Variants in EXD2 observed in about 807,000 individuals in gnomAD.
The protein encoded by EXD2 is exonuclease 3'-5' domain containing 2.
A neutral mutation model predicts 62.5 loss-of-function variants in EXD2; 40 were observed. The observed-to-expected ratio is 0.64, with a 90% CI of 0.50 to 0.83. EXD2 has a LOEUF of 0.83. Among genes scored for constraint, EXD2 ranks in the 40% least tolerant of loss-of-function variants. EXD2 has a pLI of 0.00. For missense variants in EXD2, 671 were observed against 761.8 expected, an observed-to-expected ratio of 0.88 and a Z score of 1.40; for synonymous variants, 239 against 291.9, an observed-to-expected ratio of 0.82 and a Z score of 1.85.
rs533987631 is a variant in EXD2 at position 69,205,331 on chromosome 14, G to A, written c.-48+1331G>A. On this transcript the variant is annotated intron_variant, in intron 2 of 9. Transcript: ENST00000685843. ...CTCCCAAAGCGTTGAGATTACAGGC[G>A]TGAGACACCATGCTTCGCCTCAGTA... Among the ~76,000 whole-genome samples, 125 of 152,168 alleles carry A rather than the reference G, an allele frequency of 8.2e-4. 4 individuals are homozygous for A. Among genetic ancestry groups the A allele is most frequent in the Admixed American group, 7.2e-3 (110 of 15,258 alleles).
chr14:69,230,715 G>T, intron 5 of EXD2, 117 bp downstream of exon 5: 1 of 1,194,734 alleles, frequency 8.4e-7, no homozygotes, highest in South Asian at 1.8e-5. Context: ...CCTTAAAATA[G>T]ATTCATTCTC....
chr14:69,238,842 C>T (rs2043891042), intron 9 of EXD2, among the ~76,000 whole-genome samples: 1 of 152,058 alleles, frequency 6.6e-6, no homozygotes, highest in Non-Finnish European at 1.5e-5. Flanking sequence ...ACCAGGCTGC[C>T]CAGGCTGGTC....
intron 3 of EXD2, among the ~76,000 whole-genome samples, chr14:69,219,255 A>G (rs2043088955): frequency 6.6e-6 from 1 of 152,060 alleles, no homozygotes; most frequent in Non-Finnish European, 1.5e-5. Flanking sequence ...TAGGTATTTT[A>G]TTCTCTTTGA....
intron 7 of EXD2, 33 bp from the exon 8 acceptor site, chr14:69,236,374 G>C: frequency 6.2e-7 from 1 of 1,613,808 alleles, no homozygotes; most frequent in Non-Finnish European, 8.5e-7. Context: ...GGGGCAGGGG[G>C]AGCAGTCAAA....
chr14:69,195,677 C>T (rs1039014930), intron 1 of EXD2, among the ~76,000 whole-genome samples: 2 of 152,134 alleles, frequency 1.3e-5, no homozygotes. Flanking sequence ...CAGTCCCTAT[C>T]CCTGACTCCC....
chr14:69,230,435 C>A lies in EXD2; in HGVS notation c.591-37C>A. 3.4e-6 allele frequency: 5 copies of A among 1,489,252 alleles called. 1 individual carries two copies. Among genetic ancestry groups the A allele is most frequent in the Non-Finnish European group, 4.6e-6 (5 of 1,091,426 alleles). 92.3% of individuals were successfully genotyped at this position (1,489,252 alleles called of 1,614,324 possible). A position where few individuals can be genotyped will look rare whatever the true frequency, so the allele number is the denominator to read the frequency against. On this transcript the variant is annotated intron_variant, in intron 4 of 9. Coordinates refer to ENST00000685843, the MANE Select transcript of EXD2 (RefSeq NM_001193360.2). ...TTGATTTTCTTGTCCATGTCCTTTG[C>A]CCGTTTTTGATGCATGGTTTTCTTT...
intron 8 of EXD2, 98 bp from the exon 9 acceptor site, chr14:69,237,477 G>A: frequency 2.7e-6 from 3 of 1,099,994 alleles, no homozygotes; most frequent in Non-Finnish European, 1.4e-6. Context: ...CTCAGTCATG[G>A]TTAGGCCCCA....
chr14:69,226,402 G>A (rs12889849), intron 3 of EXD2, among the ~76,000 whole-genome samples: 47,613 of 151,998 alleles, frequency 0.31, 9,873 homozygotes, highest in East Asian at 0.92. Flanking sequence ...AGAAGGAAGC[G>A]TAAGTCTTTT....
chr14:69,215,819 C>CTT (rs371624293), intron 3 of EXD2, among the ~76,000 whole-genome samples: 1,906 of 139,924 alleles, frequency 0.014, 41 homozygotes, highest in African/African-American at 0.047. Context: ...GCCTCATTTT[C>CTT]TTTTTTTTTT....
intron 2 of EXD2, among the ~76,000 whole-genome samples, chr14:69,208,101 G>A (rs1226975892): frequency 6.6e-6 from 1 of 150,984 alleles, no homozygotes; most frequent in Non-Finnish European, 1.5e-5. Flanking sequence ...GTTTCACCAT[G>A]TTAGCCAGGC....
At position 69,209,497 on chromosome 14, in the gene EXD2, G is replaced by C. The variant is rs2042731478; in HGVS notation, c.27G>C (p.Leu9Phe). The change falls in exon 3 of 10, where the codon TTG becomes TTC. Residue 9 changes from leucine (L) to phenylalanine (F), a missense_variant. Leu to Phe is a conservative substitution (Grantham distance 22). Transcript: ENST00000685843. ...TGTCTAGACAGAACTTAGTGGCTTT[G>C]ACAGTGACTACCCTTCTGGGTGTGG... The part of the protein sequence containing the change: MSRQNLVA[L>F]TVTTLLGVAV... 1 of 1,544,974 alleles carries C rather than the reference G, an allele frequency of 6.5e-7. No individual in the cohort carries two copies. The highest frequency in any genetic ancestry group is 8.7e-7 in the Non-Finnish European group (1 of 1,144,304).
chr14:69,204,371 A>G (rs893709918), intron 2 of EXD2, among the ~76,000 whole-genome samples: 8 of 152,124 alleles, frequency 5.3e-5, no homozygotes, highest in Admixed American at 2.0e-4. Flanking sequence ...GGAGTTTGAG[A>G]CCAGCCTGGG....
At chr14:69,232,113 G>A (rs970396182) in intron 5 of EXD2, among the ~76,000 whole-genome samples, 2 of 152,076 alleles carry the variant, frequency 1.3e-5, no homozygotes, top group Admixed American at 1.3e-4. Flanking sequence ...TTCTTCAGGT[G>A]ACATTTTGTC....
In EXD2 at chr14:69,218,556, T is replaced by A. The variant is rs56161398; in HGVS notation, c.333+8753T>A. Among the ~76,000 whole-genome samples, 730 of 152,304 alleles carry A rather than the reference T, an allele frequency of 4.8e-3. 4 individuals are homozygous for A. Among genetic ancestry groups the A allele is most frequent in the South Asian group, 6.0e-3 (29 of 4,824 alleles). ...AATTAGATCCCATTTGTCAATTTTG[T>A]CTTTGTTGCCATTGCTTTTGGTGTT... On this transcript the variant is annotated intron_variant, in intron 3 of 9. Transcript: ENST00000685843.
chr14:69,203,369 C>G (rs2042472756), intron 1 of EXD2, among the ~76,000 whole-genome samples: 1 of 152,096 alleles, frequency 6.6e-6, no homozygotes, highest in Non-Finnish European at 1.5e-5. Context: ...AGCCATCATG[C>G]CTGGCTTCAA....
Position 69,229,072 on chromosome 14 carries a change from G to A in EXD2, c.590G>A (p.Arg197Lys), listed in dbSNP as rs1566835962. The A allele has an allele frequency of 1.2e-6, 2 of 1,613,896 alleles. No homozygotes were observed. The highest frequency in any genetic ancestry group is 1.7e-6 in the Non-Finnish European group (2 of 1,179,760). ...LDLRYLAMRQ[R>K]NNLLCNGLSL... ...CTCCGATACCTAGCCATGCGGCAGA[G>A]GTGTGGTTTGTATGAATGCTGGGAT... The change falls in exon 4 of 10, where the codon AGA becomes AAA. Residue 197 changes from arginine (R) to lysine (K), a missense_variant and splice_region_variant. Transcript: ENST00000685843.
intron 1 of EXD2, among the ~76,000 whole-genome samples, chr14:69,203,497 A>T (rs977977835): frequency 6.6e-6 from 1 of 152,296 alleles, no homozygotes; most frequent in Admixed American, 6.5e-5. Flanking sequence ...CTATAAGGGG[A>T]GTCTCAGAGC....
intron 1 of EXD2, among the ~76,000 whole-genome samples, chr14:69,202,510 G>A (rs567074910): frequency 6.6e-6 from 1 of 152,136 alleles, no homozygotes; most frequent in South Asian, 2.1e-4. Flanking sequence ...ATTTTTCCTT[G>A]GCTAAATCAT....
chr14:69,198,191 A>T (rs1028452628), intron 1 of EXD2, among the ~76,000 whole-genome samples: 1 of 152,186 alleles, frequency 6.6e-6, no homozygotes, highest in Non-Finnish European at 1.5e-5. Flanking sequence ...ACATTTTTAT[A>T]ATAGGTTTGG....
Sources: allele counts gnomAD v4.1 joint callset (sites outside exome capture counted in the v4.1 genomes callset), GRCh38; gene constraint gnomAD v4.1.1; transcripts MANE v1.5; gene names NCBI Gene and HGNC (gene_info 2026-07-23, HGNC 2026-07-21).